LRIT2: variants seen among roughly 807,000 people sequenced by gnomAD.
LRIT2 encodes the protein leucine-rich repeat, immunoglobulin-like domain and transmembrane domain-containing protein 2.
Under a neutral mutation model 22.4 loss-of-function variants are expected in LRIT2, and 23 were observed. The ratio of observed to expected loss-of-function variants is 1.03; its 90% confidence interval spans 0.74 to 1.45. LRIT2 has a LOEUF of 1.45. Ranked by LOEUF, LRIT2 falls within the 40% of genes most tolerant of loss-of-function variation. The pLI is 0.00. For missense variants in LRIT2, 784 were observed against 665.6 expected, an observed-to-expected ratio of 1.18 and a Z score of -1.96; for synonymous variants, 291 against 267.1, an observed-to-expected ratio of 1.09 and a Z score of -0.87.
Position 84,224,588 on chromosome 10 carries a change from G to C in LRIT2, c.637C>G (p.Gln213Glu). The C allele has an allele frequency of 6.2e-7, 1 of 1,613,616 alleles. No homozygotes were observed. The highest frequency in any genetic ancestry group is 8.5e-7 in the Non-Finnish European group (1 of 1,179,610). Residue 213 changes from glutamine to glutamate, a missense_variant, in exon 2 of 3, where the codon CAG (glutamine) becomes GAG (glutamate). Coordinates refer to ENST00000372113, the MANE Select transcript of LRIT2 (RefSeq NM_001017924.5). The stretch of plus-strand genomic sequence containing the variant: ...GGGAGGGTAATGGACTTGACAAACT[G>C]GACAAGCCCCCTTAGGCGACAGTCA... ...VCDCRLRGLV[Q>E]FVKSITLPVI...
In LRIT2 at chr10:84,224,987, T is replaced by G. The variant is rs1358171998; in HGVS notation, c.238A>C (p.Thr80Pro). 7 of 1,613,892 alleles carry G rather than the reference T, an allele frequency of 4.3e-6. No homozygotes were observed. Among genetic ancestry groups the G allele is most frequent in the Non-Finnish European group, 5.9e-6 (7 of 1,179,950 alleles). The change falls in exon 2 of 3, where the codon ACC becomes CCC. Residue 80 changes from threonine (T) to proline (P), a missense_variant. Thr to Pro is a conservative substitution (Grantham distance 38, BLOSUM62 -1). Transcript: ENST00000372113. ...AAATTGAGCCAGAGGTATTCCAAGG[T>G]GCTCATGTTGATGAAAGACCCTTGG... ...MPQGSFINMSTLEYLWLNFNN... is the reference protein window; with the variant it reads ...MPQGSFINMSPLEYLWLNFNN...
intron 2 of LRIT2, among the ~76,000 whole-genome samples, chr10:84,223,087 T>A (rs1842528108): frequency 6.6e-6 from 1 of 152,224 alleles, no homozygotes; most frequent in Non-Finnish European, 1.5e-5. Context: ...TTGTACGATA[T>A]TATGAGCTTC....
Position 84,221,987 on chromosome 10 carries a change from T to A in LRIT2, c.1586A>T (p.Asp529Val). ...AGTGTCTATGTGCCCTTCACCGTCATCACAGACAGCTGGATGTTCTCTAAA... is the reference window on the plus strand; with the variant it reads ...AGTGTCTATGTGCCCTTCACCGTCAACACAGACAGCTGGATGTTCTCTAAA... ...GSFREHPAVCDDGEGHIDTEG... is the reference protein window; with the variant it reads ...GSFREHPAVCVDGEGHIDTEG... The change falls in exon 3 of 3, where the codon GAT becomes GTT. Residue 529 changes from aspartate to valine, a missense_variant. Coordinates refer to ENST00000372113, the MANE Select transcript of LRIT2 (RefSeq NM_001017924.5). 2 of 1,586,552 alleles carry A rather than the reference T, an allele frequency of 1.3e-6. No homozygotes were observed. The highest frequency in any genetic ancestry group is 1.7e-6 in the Non-Finnish European group (2 of 1,165,676).
intron 2 of LRIT2, 96 bp downstream of exon 2, chr10:84,224,237 G>A (rs535214555): frequency 9.9e-6 from 13 of 1,317,446 alleles, no homozygotes; most frequent in South Asian, 4.6e-5. Context: ...CCCACCCTTC[G>A]TGACTGACCC....
Position 84,225,526 on chromosome 10 carries a change from T to G in LRIT2, c.-6A>C. ...TAATGAAAAACTGAAGCCATATTTCTCTGTAAGAAAATACGTTGTGAGTTT... is the reference window on the plus strand; with the variant it reads ...TAATGAAAAACTGAAGCCATATTTCGCTGTAAGAAAATACGTTGTGAGTTT... On this transcript the variant is annotated 5_prime_UTR_variant, in exon 1 of 3. Coordinates refer to ENST00000372113, the MANE Select transcript of LRIT2 (RefSeq NM_001017924.5). The G allele has an allele frequency of 1.9e-6, 3 of 1,612,738 alleles. No homozygotes were observed. Among genetic ancestry groups the G allele is most frequent in the Non-Finnish European group, 2.5e-6 (3 of 1,179,600 alleles).
Position 84,221,705 on chromosome 10 carries a change from C to G in LRIT2, c.*215G>C. The stretch of plus-strand genomic sequence containing the variant: ...AATTTGATGGACAAATCTTCATTGA[C>G]TTTAACTTTACGAAGATAATGACTA... On this transcript the variant is annotated 3_prime_UTR_variant, in exon 3 of 3. Transcript: ENST00000372113. 2.4e-6 allele frequency: 1 copy of G among 414,248 alleles called. No individual in the cohort carries two copies. Among genetic ancestry groups the G allele is most frequent in the Non-Finnish European group, 4.3e-6 (1 of 234,726 alleles). 25.7% of individuals were successfully genotyped at this position (414,248 alleles called of 1,614,324 possible). A position where few individuals can be genotyped will look rare whatever the true frequency, so the allele number is the denominator to read the frequency against.
Position 84,224,613 on chromosome 10 carries a change from A to G in LRIT2, c.612T>C (p.Cys204=), listed in dbSNP as rs1225986202. ...GGACAAGCCCCCTTAGGCGACAGTC[A>G]CATACCCAGGGGTTGTCATGCAGGG... ...VVALHDNPWV[C]DCRLRGLVQF... Residue 204 remains cysteine (C), a synonymous_variant, in exon 2 of 3, where the codon TGT becomes TGC. Coordinates refer to ENST00000372113, the MANE Select transcript of LRIT2 (RefSeq NM_001017924.5). 1.2e-6 allele frequency: 2 copies of G among 1,613,800 alleles called. No individual in the cohort carries two copies.
chr10:84,222,360 T>G lies in LRIT2; in HGVS notation c.1213A>C (p.Arg405=). Residue 405 remains arginine, a synonymous_variant, in exon 3 of 3, where the codon AGG becomes CGG. Transcript: ENST00000372113. ...TLYIASDEAF[R]KEVVHIGPGI... ...GGGCCAATGTGAACCACCTCCTTCC[T>G]GAAGGCTTCATCCGATGCAATGTAG... 6.2e-7 allele frequency: 1 copy of G among 1,614,174 alleles called. No individual in the cohort carries two copies. The highest frequency in any genetic ancestry group is 2.2e-5 in the East Asian group (1 of 44,872).
chr10:84,222,699 A>C lies in LRIT2; in HGVS notation c.893-19T>G, dbSNP rs771704417. 6.2e-7 allele frequency: 1 copy of C among 1,612,028 alleles called. No individual in the cohort carries two copies. The highest frequency in any genetic ancestry group is 8.5e-7 in the Non-Finnish European group (1 of 1,178,298). On this transcript the variant is annotated intron_variant, in intron 2 of 2. Transcript: ENST00000372113. Reference sequence around the variant, plus strand: ...GTCAACACTGGGTGGAAAGAAAAACAAAACAGCTGTGCATTTATCTGATAG... The same window carrying C: ...GTCAACACTGGGTGGAAAGAAAAACCAAACAGCTGTGCATTTATCTGATAG...
chr10:84,222,649 A>C lies in LRIT2; in HGVS notation c.924T>G (p.Ala308=). The change falls in exon 3 of 3, where the codon GCT becomes GCG. Residue 308 remains alanine, a synonymous_variant. Transcript: ENST00000372113. ...CAGCAGGTATGGCCAGCTCTGACAG[A>C]GCAGTGTCTTCTCCAGTAGAAGATG... The part of the protein sequence containing the change: ...VLTSSTGEDT[A]LSELAIPAAH... The C allele has an allele frequency of 6.2e-7, 1 of 1,614,130 alleles. No individual in the cohort carries two copies. Among genetic ancestry groups the C allele is most frequent in the South Asian group, 1.1e-5 (1 of 91,078 alleles).
intron 2 of LRIT2, chr10:84,223,006 T>TAACTGCACCCACCAAACC: frequency 1.6e-6 from 1 of 618,736 alleles, no homozygotes; most frequent in Non-Finnish European, 2.9e-6. Flanking sequence ...TCAACTTCAC[T>TAACTGCACCCACCAAACC]AACTGCACCC....
chr10:84,222,141 G>T lies in LRIT2; in HGVS notation c.1432C>A (p.Pro478Thr). The T allele has an allele frequency of 6.2e-7, 1 of 1,610,650 alleles. No homozygotes were observed. The highest frequency in any genetic ancestry group is 1.1e-5 in the South Asian group (1 of 90,994). The change falls in exon 3 of 3, where the codon CCT becomes ACT. Residue 478 changes from proline (P) to threonine (T), a missense_variant. By Grantham distance (38) the Pro-to-Thr change is conservative. Transcript: ENST00000372113. ...VVLCVVLLAV[P>T]VGAYAWAAQG... ...GCTGCCCAGGCATAGGCGCCCACAGGCACTGCAAGCAGCACCACACACAGG... is the reference window on the plus strand; with the variant it reads ...GCTGCCCAGGCATAGGCGCCCACAGTCACTGCAAGCAGCACCACACACAGG...
intron 1 of LRIT2, 98 bp from the exon 2 acceptor site, chr10:84,225,212 A>G (rs2132855684): frequency 4.7e-6 from 6 of 1,279,642 alleles, no homozygotes; most frequent in Middle Eastern, 1.9e-4. Context: ...CAGAATAAAA[A>G]TATTATTATT....
rs779422015 is a variant in LRIT2, at chr10:84,221,982, C to G, written c.1591G>C (p.Gly531Arg). 1 of 1,579,530 alleles carries G rather than the reference C, an allele frequency of 6.3e-7. No individual in the cohort carries two copies. The highest frequency in any genetic ancestry group is 1.2e-5 in the South Asian group (1 of 86,002). The change falls in exon 3 of 3, where the codon GGT becomes CGT. Residue 531 changes from glycine to arginine, a missense_variant. By Grantham distance (125) the Gly-to-Arg change is moderately radical. Transcript: ENST00000372113. ...CCCTCAGTGTCTATGTGCCCTTCAC[C>G]GTCATCACAGACAGCTGGATGTTCT... ...FREHPAVCDD[G>R]EGHIDTEGDK... is the part of the protein sequence containing the mutation.
At chr10:84,222,745 A>C in intron 2 of LRIT2, 65 bp from the exon 3 acceptor site, 1 of 1,580,416 alleles carries the variant, frequency 6.3e-7, no homozygotes, top group African/African-American at 1.3e-5. Flanking sequence ...AGTGTCTAGC[A>C]ATGCCAGTTT....
rs771460281 is a variant in LRIT2, at chr10:84,221,927, T to G, written c.1646A>C (p.Asn549Thr). 1 of 1,523,698 alleles carries G rather than the reference T, an allele frequency of 6.6e-7. No homozygotes were observed. Among genetic ancestry groups the G allele is most frequent in the Non-Finnish European group, 8.8e-7 (1 of 1,134,484 alleles). The allele number at this position is 1,523,698 out of a possible 1,614,324, so 94.4% of individuals were successfully genotyped here. The change falls in exon 3 of 3, where the codon AAC (asparagine) becomes ACC (threonine). Residue 549 changes from asparagine (N) to threonine (T), a missense_variant. Transcript: ENST00000372113. ...GDKEKGGTEDNS is the reference protein window; with the variant it reads ...GDKEKGGTEDTS ...CCCCATGGCCTGGGTTGTTCAGCTG[T>G]TGTCTTCCGTTCCTCCTTTCTCCTT...
rs779422015 is a variant in LRIT2 at position 84,221,982 on chromosome 10, C to T, written c.1591G>A (p.Gly531Ser). ...FREHPAVCDD[G>S]EGHIDTEGDK... ...CCCTCAGTGTCTATGTGCCCTTCAC[C>T]GTCATCACAGACAGCTGGATGTTCT... Residue 531 changes from glycine to serine, a missense_variant, in exon 3 of 3, where the codon GGT (glycine) becomes AGT (serine). Transcript: ENST00000372113. The T allele has an allele frequency of 1.6e-5, 25 of 1,579,410 alleles. No homozygotes were observed. Among genetic ancestry groups the T allele is most frequent in the South Asian group, 5.8e-5 (5 of 86,006 alleles).
Position 84,221,812 on chromosome 10 carries a change from C to G in LRIT2, c.*108G>C, listed in dbSNP as rs1208744952. On this transcript the variant is annotated 3_prime_UTR_variant, in exon 3 of 3. Coordinates refer to ENST00000372113, the MANE Select transcript of LRIT2 (RefSeq NM_001017924.5). ...TGTGTCAAGTTCAGTGCTTGGAACA[C>G]AGTGGGTGCTCAATATATACTTGCT... 3 of 1,099,050 alleles carry G rather than the reference C, an allele frequency of 2.7e-6. No individual in the cohort carries two copies. Among genetic ancestry groups the G allele is most frequent in the African/African-American group, 3.1e-5 (2 of 64,304 alleles). 68.1% of individuals were successfully genotyped at this position (1,099,050 alleles called of 1,614,324 possible). A position where few individuals can be genotyped will look rare whatever the true frequency, so the allele number is the denominator to read the frequency against.
Position 84,222,107 on chromosome 10 carries a change from G to A in LRIT2, c.1466C>T (p.Pro489Leu), listed in dbSNP as rs1842513340. The A allele has an allele frequency of 6.2e-7, 1 of 1,608,114 alleles. No homozygotes were observed. Among genetic ancestry groups the A allele is most frequent in the Non-Finnish European group, 8.5e-7 (1 of 1,175,864 alleles). Residue 489 changes from proline (P) to leucine (L), a missense_variant, in exon 3 of 3, where the codon CCC becomes CTC. By Grantham distance (98) the Pro-to-Leu change is moderately conservative. Transcript: ENST00000372113. The part of the protein sequence containing the change: ...VGAYAWAAQG[P>L]CSCSKWVLRG... ...CAGGACCCACTTGCTGCAGCTGCAG[G>A]GGCCCTGGGCTGCCCAGGCATAGGC...
Sources: allele counts gnomAD v4.1 joint callset (sites outside exome capture counted in the v4.1 genomes callset), GRCh38; gene constraint gnomAD v4.1.1; transcripts MANE v1.5; gene names NCBI Gene and HGNC (gene_info 2026-07-23, HGNC 2026-07-21).